RTN4RL1: variants seen among roughly 807,000 people sequenced by gnomAD.
The protein encoded by RTN4RL1 is reticulon-4 receptor-like 1.
A neutral mutation model predicts 25.6 loss-of-function variants in RTN4RL1; 7 were observed. The ratio of observed to expected loss-of-function variants is 0.27; its 90% CI spans 0.16 to 0.51. The LOEUF (loss-of-function observed/expected upper bound fraction) is 0.51, where lower values mean the gene tolerates loss of function less well. Among genes scored for constraint, RTN4RL1 ranks in the 20% least tolerant of loss-of-function variants. RTN4RL1 has a pLI of 0.97. For synonymous variants in RTN4RL1, 297 were observed against 288.2 expected (o/e 1.03, Z -0.31); for missense variants, 500 against 615.6 (o/e 0.81, Z 1.99).
At chr17:1,959,565 T>G (rs1344634543) in intron 1 of RTN4RL1, among the ~76,000 whole-genome samples, 2 of 149,406 alleles carry the variant, frequency 1.3e-5, no homozygotes, top group African/African-American at 4.9e-5. Flanking sequence ...AAGTCTTTGT[T>G]TTGTTTTGTT....
At chr17:2,015,884 G>T (rs8076626) in intron 1 of RTN4RL1, among the ~76,000 whole-genome samples, 7,372 of 152,212 alleles carry the variant, frequency 0.048, 576 homozygotes, top group African/African-American at 0.17. Context: ...CTTGTTAACA[G>T]GCAACGCTCA....
At chr17:1,984,105 T>C (rs2066878557) in intron 1 of RTN4RL1, among the ~76,000 whole-genome samples, 1 of 152,176 alleles carries the variant, frequency 6.6e-6, no homozygotes, top group African/African-American at 2.4e-5. Flanking sequence ...TTAGTCACAA[T>C]ATCACAGAGT....
chr17:2,002,361 C>T (rs541244983), intron 1 of RTN4RL1, among the ~76,000 whole-genome samples: 79 of 150,550 alleles, frequency 5.2e-4, no homozygotes, highest in South Asian at 4.4e-3. Flanking sequence ...GGCGCGATCT[C>T]GGCTCACTGC....
intron 1 of RTN4RL1, among the ~76,000 whole-genome samples, chr17:1,992,990 C>T (rs531508738): frequency 6.6e-6 from 1 of 152,306 alleles, no homozygotes; most frequent in East Asian, 1.9e-4. Flanking sequence ...CACCTGTCCT[C>T]CCAGCACTTT....
chr17:1,986,080 C>A (rs61395323), intron 1 of RTN4RL1, among the ~76,000 whole-genome samples: 9,406 of 151,948 alleles, frequency 0.062, 722 homozygotes, highest in African/African-American at 0.19. Context: ...GTCTCTACTG[C>A]TACTAGCAGA....
intron 1 of RTN4RL1, among the ~76,000 whole-genome samples, chr17:1,981,768 G>A (rs1246729081): frequency 6.6e-6 from 1 of 152,264 alleles, no homozygotes; most frequent in Admixed American, 6.5e-5. Flanking sequence ...CTGGGACACA[G>A]CTTGTACCCA....
intron 1 of RTN4RL1, among the ~76,000 whole-genome samples, chr17:1,947,685 T>C (rs1358975474): frequency 6.6e-6 from 1 of 152,212 alleles, no homozygotes; most frequent in African/African-American, 2.4e-5. Context: ...TCAGGGGGCC[T>C]TGTCGGAGCC....
intron 1 of RTN4RL1, among the ~76,000 whole-genome samples, chr17:2,015,131 G>C (rs1165024825): frequency 1.3e-5 from 2 of 152,280 alleles, no homozygotes; most frequent in East Asian, 3.9e-4. Context: ...CTCAGGTGGA[G>C]GCACAGCAGG....
At position 2,006,824 on chromosome 17, in the gene RTN4RL1, C is replaced by T. The variant is rs573431735; in HGVS notation, c.13+18029G>A. Among the ~76,000 whole-genome samples the T allele has an allele frequency of 7.2e-5, 11 of 152,150 alleles. No individual in the cohort carries two copies. The East Asian group carries it at 7.8e-4, about 11-fold the overall frequency. On this transcript the variant is annotated intron_variant, in intron 1 of 1. Transcript: ENST00000331238. ...ATTTTTTTTAGTAGAGACGGGGTTT[C>T]GCCATGTTGGCTGGTCTTGAACTCC... is the stretch of plus-strand genomic sequence containing the variant.
chr17:1,980,640 G>T (rs1193706176), intron 1 of RTN4RL1, among the ~76,000 whole-genome samples: 1 of 151,694 alleles, frequency 6.6e-6, no homozygotes, highest in African/African-American at 2.4e-5. Context: ...TTAATTCATG[G>T]GCCCGCTCAG....
intron 1 of RTN4RL1, among the ~76,000 whole-genome samples, chr17:1,954,460 C>T (rs1260036611): frequency 2.7e-5 from 4 of 149,014 alleles, no homozygotes; most frequent in Non-Finnish European, 5.9e-5. Context: ...ACGATCTCAG[C>T]TCACTGCAAC....
chr17:1,985,869 G>A (rs974277407), intron 1 of RTN4RL1, among the ~76,000 whole-genome samples: 1 of 152,096 alleles, frequency 6.6e-6, no homozygotes, highest in African/African-American at 2.4e-5. Flanking sequence ...AAATCACAGG[G>A]TTCCCAGGCC....
intron 1 of RTN4RL1, among the ~76,000 whole-genome samples, chr17:1,967,088 G>A (rs543096874): frequency 1.1e-3 from 172 of 151,634 alleles, no homozygotes; most frequent in Non-Finnish European, 2.1e-3. Flanking sequence ...GGGCAGGGAG[G>A]TGGTACAGGT....
chr17:1,983,497 C>A (rs576008798), intron 1 of RTN4RL1, among the ~76,000 whole-genome samples: 1 of 152,338 alleles, frequency 6.6e-6, no homozygotes, highest in South Asian at 2.1e-4. Flanking sequence ...CTCCTAGGCT[C>A]AAGCGATCCT....
chr17:2,004,091 G>A (rs568771482), intron 1 of RTN4RL1, among the ~76,000 whole-genome samples: 4 of 145,924 alleles, frequency 2.7e-5, no homozygotes, highest in Middle Eastern at 4.8e-3. Context: ...AAAGCAGGCC[G>A]GGCGCGGTGG....
chr17:1,967,525 A>C (rs1051850700), intron 1 of RTN4RL1, among the ~76,000 whole-genome samples: 3 of 151,978 alleles, frequency 2.0e-5, no homozygotes, highest in African/African-American at 7.3e-5. Flanking sequence ...ACTTCTCCAA[A>C]GGCCGCCTCC....
rs1044854236 is a variant in RTN4RL1 at position 1,947,365 on chromosome 17, C to T, written c.14-9557G>A. Among the ~76,000 whole-genome samples the T allele has an allele frequency of 7.9e-5, 12 of 152,324 alleles. No homozygotes were observed. The East Asian group carries it at 1.9e-3, about 24-fold the overall frequency. ...TGTCTCGGGACTGTGGATAGGGTGG[C>T]GGCCCGGCCCCCTTCACCCTGCAGC... On this transcript the variant is annotated intron_variant, in intron 1 of 1. Transcript: ENST00000331238.
rs1450799996 is a variant in RTN4RL1, at chr17:2,025,002, G to T, written c.-137C>A. 4 of 922,686 alleles carry T rather than the reference G, an allele frequency of 4.3e-6. No individual in the cohort carries two copies. The Admixed American group carries it at 7.8e-5, about 18-fold the overall frequency. 57.2% of individuals were successfully genotyped at this position (922,686 alleles called of 1,614,324 possible). ...GCAAGCCGGGGATCCGCTCGTGCCC[G>T]GTGGCCCGGCCCCGCAGGGGCATGG... On this transcript the variant is annotated 5_prime_UTR_variant, in exon 1 of 2. Transcript: ENST00000331238. This position sits in a 1 kb window ranked among gnomAD's most constrained non-coding sequence, Gnocchi z 4.8.
chr17:1,951,698 C>G (rs550892371), intron 1 of RTN4RL1, among the ~76,000 whole-genome samples: 81 of 152,280 alleles, frequency 5.3e-4, no homozygotes, highest in African/African-American at 1.9e-3. Context: ...GGTGATCCAG[C>G]TGCCTCGGCC....
Sources: allele counts gnomAD v4.1 joint callset (sites outside exome capture counted in the v4.1 genomes callset), GRCh38; gene constraint gnomAD v4.1.1; non-coding constraint Gnocchi (gnomAD v3.1); transcripts MANE v1.5; gene names NCBI Gene and HGNC (gene_info 2026-07-23, HGNC 2026-07-21).